Variants in SERPINB10 observed in about 807,000 individuals in gnomAD.
SERPINB10 encodes serpin family B member 10.
Under a neutral mutation model 39.1 loss-of-function variants are expected in SERPINB10, and 35 were observed. The observed-to-expected ratio is 0.90, with a 90% confidence interval of 0.68 to 1.19. The LOEUF is 1.19. Among genes scored for constraint, SERPINB10 ranks in the 50% most tolerant of loss-of-function variants. The probability of loss-of-function intolerance (pLI) is 0.00; values close to 1 mark genes in which losing one functional copy is unlikely to be tolerated. For missense variants in SERPINB10, 546 were observed against 460.5 expected (o/e 1.19, Z -1.70); for synonymous variants, 190 against 158.1 (o/e 1.20, Z -1.52).
chr18:63,926,196 G>C (rs990921663), intron 5 of SERPINB10, among the ~76,000 whole-genome samples: 2 of 151,990 alleles, frequency 1.3e-5, no homozygotes, highest in African/African-American at 4.8e-5. Context: ...GGTGGTTGTT[G>C]ACAATCCTTG....
At chr18:63,921,126 CA>C (rs2050143967) in intron 5 of SERPINB10, among the ~76,000 whole-genome samples, 1 of 151,910 alleles carries the variant, frequency 6.6e-6, no homozygotes, top group Non-Finnish European at 1.5e-5. Flanking sequence ...TGAAGAAATA[CA>C]AAGGCATCAT....
rs192110501 is a variant in SERPINB10, at chr18:63,912,163, C to T, written c.-9-3339C>T. On this transcript the variant is annotated intron_variant, in intron 1 of 7. Transcript: ENST00000238508. ...CTGAAGCTTTACTGAAGCCATTTTT[C>T]GGTTCCAGGAGGCTTTTGGTGGAGT... Among the ~76,000 whole-genome samples the T allele has an allele frequency of 7.7e-4, 117 of 152,016 alleles. 1 individual carries two copies. Among genetic ancestry groups the T allele is most frequent in the Middle Eastern group, 6.8e-3 (2 of 294 alleles).
At chr18:63,918,176 A>G in intron 4 of SERPINB10, 74 bp downstream of exon 4, 1 of 1,498,352 alleles carries the variant, frequency 6.7e-7, no homozygotes, top group Non-Finnish European at 9.2e-7. Context: ...AACTCTGTAT[A>G]TTTCTTTAGG....
chr18:63,915,706 G>C, intron 2 of SERPINB10, 28 bp downstream of exon 2: 1 of 1,567,686 alleles, frequency 6.4e-7, no homozygotes, highest in Non-Finnish European at 8.7e-7. Flanking sequence ...ACTATCTTCT[G>C]TTTCTTGTAA....
At position 63,935,135 on chromosome 18, in the gene SERPINB10, A is replaced by G. The variant is rs776669984; in HGVS notation, c.1087A>G (p.Ile363Val). ...CAGTGGGAGTGAGATAGATATACGAATTAGAGTCCCATCCATTGAATTCAA... is the reference window on the plus strand; with the variant it reads ...CAGTGGGAGTGAGATAGATATACGAGTTAGAGTCCCATCCATTGAATTCAA... The part of the protein sequence containing the change: ...AGSGSEIDIR[I>V]RVPSIEFNAN... Residue 363 changes from isoleucine (I) to valine (V), a missense_variant, in exon 8 of 8, where the codon ATT (isoleucine) becomes GTT (valine). Physicochemically the swap from Ile to Val is conservative, Grantham distance 29 (BLOSUM62 3). Transcript: ENST00000238508. 6.2e-7 allele frequency: 1 copy of G among 1,613,698 alleles called. No individual in the cohort carries two copies. Among genetic ancestry groups the G allele is most frequent in the Non-Finnish European group, 8.5e-7 (1 of 1,180,014 alleles).
intron 7 of SERPINB10, among the ~76,000 whole-genome samples, 196 bp from the exon 8 acceptor site, chr18:63,934,642 A>T (rs2050247978): frequency 6.6e-6 from 1 of 152,208 alleles, no homozygotes; most frequent in Admixed American, 6.5e-5. Flanking sequence ...TCCGGATAGC[A>T]ATTAATCTGC....
In SERPINB10 at chr18:63,919,339, A is replaced by G. The variant is rs1041566222; in HGVS notation, c.373-449A>G. On this transcript the variant is annotated intron_variant, in intron 4 of 7. Transcript: ENST00000238508. ...ATTTTCTTCAAGGGTCCTCCACAAG[A>G]TTCTTGTTGTTTAGAATCCACAGAA... is the stretch of plus-strand genomic sequence containing the variant. Among the ~76,000 whole-genome samples the G allele has an allele frequency of 3.3e-5, 5 of 151,304 alleles. No individual in the cohort carries two copies. The Admixed American group carries it at 3.3e-4, about 10-fold the overall frequency.
intron 2 of SERPINB10, among the ~76,000 whole-genome samples, chr18:63,917,003 A>T (rs976278846): frequency 2.0e-5 from 3 of 151,994 alleles, no homozygotes; most frequent in African/African-American, 7.2e-5. Context: ...GCGCCTAAAT[A>T]TGTCAAGTGG....
rs941271138 is a variant in SERPINB10 at position 63,932,952 on chromosome 18, CAACT to C, written c.634-95_634-92del. On this transcript the variant is annotated intron_variant, in intron 6 of 7. Transcript: ENST00000238508. The stretch of plus-strand genomic sequence containing the variant: ...TTTAGCAGAGAATCAGCAGTTTCAC[CAACT>C]GAGAGCCAATGATGGTAGAGAATTA... 6.0e-6 allele frequency: 7 copies of C among 1,164,892 alleles called. No individual in the cohort carries two copies. In the East Asian group the frequency reaches 1.6e-4, roughly 27 times the overall value. The allele number at this position is 1,164,892 out of a possible 1,614,324, so 72.2% of individuals were successfully genotyped here. A position where few individuals can be genotyped will look rare whatever the true frequency, so the allele number is the denominator to read the frequency against.
In SERPINB10 at chr18:63,930,478, A is replaced by G. The variant is rs375248585; in HGVS notation, c.633+291A>G. Reference sequence around the variant, plus strand: ...AAATATAGTGTGGCCAAGTGACTGGAGGCATGCCTGAGTTAGAAGCAGTCC... The same window carrying G: ...AAATATAGTGTGGCCAAGTGACTGGGGGCATGCCTGAGTTAGAAGCAGTCC... On this transcript the variant is annotated intron_variant, in intron 6 of 7. Transcript: ENST00000238508. 6.6e-5 allele frequency among the ~76,000 whole-genome samples: 10 copies of G among 152,218 alleles called. 1 individual carries two copies. Among genetic ancestry groups the G allele is most frequent in the African/African-American group, 2.4e-4 (10 of 41,538 alleles).
intron 1 of SERPINB10, among the ~76,000 whole-genome samples, chr18:63,908,627 C>T (rs148498379): frequency 6.6e-6 from 1 of 151,978 alleles, no homozygotes; most frequent in African/African-American, 2.4e-5. Flanking sequence ...CCTAATCCCC[C>T]ACATCATACT....
At position 63,935,058 on chromosome 18, in the gene SERPINB10, T is replaced by C. The variant is rs1174894152; in HGVS notation, c.1010T>C (p.Phe337Ser). ...SARNLFLSNV[F>S]HKAFVEINEQ... Reference sequence around the variant, plus strand: ...AGAAACCTATTTTTGTCCAATGTTTTCCATAAGGCTTTTGTGGAAATAAAT... The same window carrying C: ...AGAAACCTATTTTTGTCCAATGTTTCCCATAAGGCTTTTGTGGAAATAAAT... The change falls in exon 8 of 8, where the codon TTC (phenylalanine) becomes TCC (serine). Residue 337 changes from phenylalanine to serine, a missense_variant. By Grantham distance (155) the Phe-to-Ser change is radical (BLOSUM62 -2). Transcript: ENST00000238508. 4 of 1,614,208 alleles carry C rather than the reference T, an allele frequency of 2.5e-6. No individual in the cohort carries two copies. The highest frequency in any genetic ancestry group is 2.2e-5 in the East Asian group (1 of 44,890).
intron 4 of SERPINB10, 71 bp downstream of exon 4, chr18:63,918,173 T>C: frequency 3.3e-6 from 5 of 1,513,220 alleles, no homozygotes; most frequent in Non-Finnish European, 4.5e-6. Context: ...GTAAACTCTG[T>C]ATATTTCTTT....
chr18:63,913,909 G>GC (rs1266626825), intron 1 of SERPINB10, among the ~76,000 whole-genome samples: 2 of 152,034 alleles, frequency 1.3e-5, no homozygotes, highest in African/African-American at 2.4e-5. Context: ...GTAGGTTGAA[G>GC]AGTACTTGTC....
In SERPINB10 at chr18:63,930,145, C is replaced by T. The variant is rs1444293996; in HGVS notation, c.591C>T (p.Phe197=). ...LYFKGIWEHQ[F]LVQNTTEKPF... ...TTAAAGGAATCTGGGAACATCAATT[C>T]TTAGTGCAAAACACCACAGAAAAGC... Residue 197 remains phenylalanine (F), a synonymous_variant, in exon 6 of 8, where the codon TTC becomes TTT. Coordinates refer to ENST00000238508, the MANE Select transcript of SERPINB10 (RefSeq NM_005024.3). The T allele has an allele frequency of 5.0e-6, 8 of 1,613,356 alleles. No individual in the cohort carries two copies. The highest frequency in any genetic ancestry group is 6.8e-6 in the Non-Finnish European group (8 of 1,179,650).
In SERPINB10 at chr18:63,935,298, G is replaced by A; in HGVS notation, c.*56G>A. 4 of 1,486,856 alleles carry A rather than the reference G, an allele frequency of 2.7e-6. No homozygotes were observed. Among genetic ancestry groups the A allele is most frequent in the Admixed American group, 2.3e-5 (1 of 43,008 alleles). 92.1% of individuals were successfully genotyped at this position (1,486,856 alleles called of 1,614,324 possible). On this transcript the variant is annotated 3_prime_UTR_variant, in exon 8 of 8. Transcript: ENST00000238508. ...TCTTACAGTGTGAAAAATGTACCATGAGATGGAAAAGCACAATTTTCACAA... is the reference window on the plus strand; with the variant it reads ...TCTTACAGTGTGAAAAATGTACCATAAGATGGAAAAGCACAATTTTCACAA...
intron 1 of SERPINB10, among the ~76,000 whole-genome samples, chr18:63,908,472 A>C (rs1755471265): frequency 6.6e-6 from 1 of 151,974 alleles, no homozygotes; most frequent in African/African-American, 2.4e-5. Flanking sequence ...TGGCACCCTG[A>C]ATTTGGATCC....
intron 1 of SERPINB10, among the ~76,000 whole-genome samples, chr18:63,910,277 G>T (rs2050054413): frequency 6.6e-6 from 1 of 151,954 alleles, no homozygotes; most frequent in Non-Finnish European, 1.5e-5. Context: ...CTAGGTATAA[G>T]AATTTGAATT....
intron 1 of SERPINB10, among the ~76,000 whole-genome samples, chr18:63,912,881 G>A (rs1337749769): frequency 6.6e-6 from 1 of 151,832 alleles, no homozygotes; most frequent in Admixed American, 6.6e-5. Context: ...ACATCTGGTA[G>A]AATTCAGCTG....
Sources: gnomAD v4.1 joint callset for allele counts (sites outside exome capture counted in the v4.1 genomes callset) on GRCh38, gnomAD v4.1.1 for gene constraint, MANE v1.5 for transcripts, NCBI Gene and HGNC (gene_info 2026-07-23, HGNC 2026-07-21) for gene names.